Variants in TBC1D16 observed in about 807,000 individuals in gnomAD.
The protein encoded by TBC1D16 is CTD-2529O21.1.
A neutral mutation model predicts 74.7 loss-of-function variants in TBC1D16; 58 were observed. The observed-to-expected ratio is 0.78, with a 90% CI of 0.63 to 0.97. The LOEUF is 0.97. TBC1D16 is among the 50% of genes least tolerant of loss of function. The pLI, the probability that TBC1D16 is intolerant of heterozygous loss-of-function variation, is 0.00. For synonymous variants in TBC1D16, 493 were observed against 474.7 expected, an observed-to-expected ratio of 1.04 and a Z score of -0.50; for missense variants, 1,014 against 1,079.5, an observed-to-expected ratio of 0.94 and a Z score of 0.85.
intron 3 of TBC1D16, among the ~76,000 whole-genome samples, chr17:79,999,113 G>T (rs182480036): frequency 6.6e-6 from 1 of 152,008 alleles, no homozygotes; most frequent in Admixed American, 6.6e-5. Context: ...AAAATTAGCC[G>T]TGTGTGGTGG....
intron 2 of TBC1D16, among the ~76,000 whole-genome samples, chr17:80,012,590 T>A (rs75287111): frequency 1.3e-4 from 20 of 151,594 alleles, no homozygotes; most frequent in Non-Finnish European, 1.9e-4. Flanking sequence ...TTTTTTTTTT[T>A]AATAGAGATG....
Position 79,950,016 on chromosome 17 carries a change from C to T in TBC1D16, c.1258-151G>A. On this transcript the variant is annotated intron_variant, in intron 6 of 11. Coordinates refer to ENST00000310924, the MANE Select transcript of TBC1D16 (RefSeq NM_019020.4). This position sits in a 1 kb window ranked among gnomAD's most constrained non-coding sequence, Gnocchi z 4.6. ...ATATTTACAAGGGGAAAGCAGTGGC[C>T]TTCAATTCCCATACAGGACACAAAC... is the stretch of plus-strand genomic sequence containing the variant. The T allele has an allele frequency of 9.7e-7, 1 of 1,029,244 alleles. No individual in the cohort carries two copies. The highest frequency in any genetic ancestry group is 1.4e-6 in the Non-Finnish European group (1 of 719,506). 63.8% of individuals were successfully genotyped at this position (1,029,244 alleles called of 1,614,324 possible).
At position 79,948,906 on chromosome 17, in the gene TBC1D16, G is replaced by A. The variant is rs149193846; in HGVS notation, c.1507C>T (p.Arg503Trp). Residue 503 changes from arginine (R) to tryptophan (W), a missense_variant, in exon 8 of 12, where the codon CGG (arginine) becomes TGG (tryptophan). By Grantham distance (101) the Arg-to-Trp change is moderately radical. Transcript: ENST00000310924. ...TCCACATTGGGATTGTCTTCCCCCCGGAAGAACTGGTTGTTCCGATCTGTC... is the reference window on the plus strand; with the variant it reads ...TCCACATTGGGATTGTCTTCCCCCCAGAAGAACTGGTTGTTCCGATCTGTC... The part of the protein sequence containing the change: ...VRTDRNNQFF[R>W]GEDNPNVESM... 6 of 1,614,114 alleles carry A rather than the reference G, an allele frequency of 3.7e-6. No homozygotes were observed. Among genetic ancestry groups the A allele is most frequent in the Non-Finnish European group, 5.1e-6 (6 of 1,180,004 alleles).
In TBC1D16 at chr17:79,975,746, C is replaced by T. The variant is rs1276876061; in HGVS notation, c.780-22928G>A. ...AAACCTGTCGCTGGCTGCCCACTAA[C>T]GCTCCCAGCAGCCCTTAGTACAATA... On this transcript the variant is annotated intron_variant, in intron 3 of 11. Transcript: ENST00000310924. The surrounding 1 kb of genome is among the most constrained non-coding windows in gnomAD (Gnocchi z 4.5). 2.6e-5 allele frequency among the ~76,000 whole-genome samples: 4 copies of T among 152,348 alleles called. No individual in the cohort carries two copies. The highest frequency in any genetic ancestry group is 2.1e-4 in the South Asian group (1 of 4,822).
At position 79,988,020 on chromosome 17, in the gene TBC1D16, A is replaced by C. The variant is rs1375219294; in HGVS notation, c.779+22140T>G. 1.3e-5 allele frequency among the ~76,000 whole-genome samples: 2 copies of C among 152,178 alleles called. No homozygotes were observed. Among genetic ancestry groups the C allele is most frequent in the Non-Finnish European group, 2.9e-5 (2 of 68,034 alleles). ...CAATTCTGAATGTGGTTTAAAAAAA[A>C]AATTAGGTGGGGGAGAATGAGACGA... On this transcript the variant is annotated intron_variant, in intron 3 of 11. Transcript: ENST00000310924. This position sits in a 1 kb window ranked among gnomAD's most constrained non-coding sequence, Gnocchi z 5.7.
In TBC1D16 at chr17:80,009,324, G is replaced by A. The variant is rs914499539; in HGVS notation, c.779+836C>T. Among the ~76,000 whole-genome samples the A allele has an allele frequency of 6.6e-6, 1 of 152,238 alleles. No homozygotes were observed. Among genetic ancestry groups the A allele is most frequent in the Non-Finnish European group, 1.5e-5 (1 of 68,034 alleles). ...GGCATAGGAAGGGGCTGTGGAAGTC[G>A]GATGCAGGCCCCCTGTGCTGGCTCT... On this transcript the variant is annotated intron_variant, in intron 3 of 11. Coordinates refer to ENST00000310924, the MANE Select transcript of TBC1D16 (RefSeq NM_019020.4). This position sits in a 1 kb window ranked among gnomAD's most constrained non-coding sequence, Gnocchi z 5.4.
intron 1 of TBC1D16, among the ~76,000 whole-genome samples, chr17:80,024,534 C>CACCA (rs1285327174): frequency 6.0e-5 from 9 of 149,236 alleles, no homozygotes; most frequent in East Asian, 2.0e-4. Flanking sequence ...CATGCACACA[C>CACCA]CACACACCAT....
intron 1 of TBC1D16, among the ~76,000 whole-genome samples, chr17:80,025,044 CACAACCAGGCACACACACTATG>C (rs2036508059): frequency 7.2e-4 from 17 of 23,618 alleles, no homozygotes; most frequent in South Asian, 9.3e-4. Context: ...CATACCATGA[CACAACCAGGCACACACACTATG>C]ACACACACAC....
chr17:79,950,748 G>A lies in TBC1D16; in HGVS notation c.1090-170C>T. The A allele has an allele frequency of 6.5e-7, 1 of 1,537,694 alleles. No individual in the cohort carries two copies. Among genetic ancestry groups the A allele is most frequent in the Non-Finnish European group, 8.7e-7 (1 of 1,146,692 alleles). On this transcript the variant is annotated intron_variant, in intron 5 of 11. Coordinates refer to ENST00000310924, the MANE Select transcript of TBC1D16 (RefSeq NM_019020.4). This position sits in a 1 kb window ranked among gnomAD's most constrained non-coding sequence, Gnocchi z 4.6. ...GAGTGTAATTAGGCGCAATTAAAAT[G>A]AAAATACCTTCATCTTAAAATCGGT... is the stretch of plus-strand genomic sequence containing the variant.
chr17:79,983,434 C>G lies in TBC1D16; in HGVS notation c.779+26726G>C, dbSNP rs780352943. Reference sequence around the variant, plus strand: ...GGTGACATCATTCACAGAGAAAAACCCAAACTAAACCACATGGTCATCAAC... The same window carrying G: ...GGTGACATCATTCACAGAGAAAAACGCAAACTAAACCACATGGTCATCAAC... On this transcript the variant is annotated intron_variant, in intron 3 of 11. Coordinates refer to ENST00000310924, the MANE Select transcript of TBC1D16 (RefSeq NM_019020.4). This position sits in a 1 kb window ranked among gnomAD's most constrained non-coding sequence, Gnocchi z 5.6. Among the ~76,000 whole-genome samples the G allele has an allele frequency of 1.4e-4, 22 of 152,154 alleles. No individual in the cohort carries two copies. The highest frequency in any genetic ancestry group is 2.1e-4 in the Non-Finnish European group (14 of 68,024).
rs2144154129 is a variant in TBC1D16 at position 79,974,300 on chromosome 17, G to A, written c.780-21482C>T. On this transcript the variant is annotated intron_variant, in intron 3 of 11. Coordinates refer to ENST00000310924, the MANE Select transcript of TBC1D16 (RefSeq NM_019020.4). ...GTTGCCCAGGCTGGAGTGCAGTGGTGCAATCTCGGTTCACTGCAACTTCCG... is the reference window on the plus strand; with the variant it reads ...GTTGCCCAGGCTGGAGTGCAGTGGTACAATCTCGGTTCACTGCAACTTCCG... Among the ~76,000 whole-genome samples the A allele has an allele frequency of 2.6e-5, 4 of 152,138 alleles. No homozygotes were observed. In the South Asian group the frequency reaches 8.3e-4, roughly 32 times the overall value.
At chr17:79,951,717 C>G (rs1050203047) in intron 4 of TBC1D16, 120 bp from the exon 5 acceptor site, 2 of 1,221,718 alleles carry the variant, frequency 1.6e-6, no homozygotes, top group African/African-American at 3.0e-5. Flanking sequence ...ACAGTGAGTC[C>G]CAGTGGAGTT....
chr17:79,955,866 A>G (rs535674882), intron 3 of TBC1D16, among the ~76,000 whole-genome samples: 2 of 152,320 alleles, frequency 1.3e-5, no homozygotes, highest in South Asian at 4.1e-4. Flanking sequence ...ACAGAGATAG[A>G]GATTTAAAAG....
At position 79,987,080 on chromosome 17, in the gene TBC1D16, G is replaced by A. The variant is rs1444749631; in HGVS notation, c.779+23080C>T. The stretch of plus-strand genomic sequence containing the variant: ...TCAGGGCCAGGATGGGTCACGGGCT[G>A]TGCCCAGTGTCGCTGCCCAAGGCAG... On this transcript the variant is annotated intron_variant, in intron 3 of 11. Transcript: ENST00000310924. The surrounding 1 kb of genome is among the most constrained non-coding windows in gnomAD (Gnocchi z 5.2). Among the ~76,000 whole-genome samples the A allele has an allele frequency of 1.3e-5, 2 of 152,198 alleles. No homozygotes were observed. The highest frequency in any genetic ancestry group is 4.8e-5 in the African/African-American group (2 of 41,462).
intron 3 of TBC1D16, among the ~76,000 whole-genome samples, chr17:79,998,662 C>T (rs529373461): frequency 2.6e-5 from 4 of 151,976 alleles, no homozygotes; most frequent in South Asian, 2.1e-4. Context: ...GCTTCTTCCA[C>T]GTAGCAATGT....
At position 79,940,719 on chromosome 17, in the gene TBC1D16, G is replaced by A. The variant is rs2031894009; in HGVS notation, c.*140C>T. 4 of 1,010,054 alleles carry A rather than the reference G, an allele frequency of 4.0e-6. No homozygotes were observed. The Admixed American group carries it at 1.4e-4, about 34-fold the overall frequency. The allele number at this position is 1,010,054 out of a possible 1,614,324, so 62.6% of individuals were successfully genotyped here. Reference sequence around the variant, plus strand: ...TCTAATTTTGTCATTAATATGAAAAGGTTCCTCTCATGTTGCCCAAAAGCA... The same window carrying A: ...TCTAATTTTGTCATTAATATGAAAAAGTTCCTCTCATGTTGCCCAAAAGCA... On this transcript the variant is annotated 3_prime_UTR_variant, in exon 12 of 12. Coordinates refer to ENST00000310924, the MANE Select transcript of TBC1D16 (RefSeq NM_019020.4). This position sits in a 1 kb window ranked among gnomAD's most constrained non-coding sequence, Gnocchi z 5.4.
At chr17:80,034,482 G>A (rs905686350) in intron 1 of TBC1D16, among the ~76,000 whole-genome samples, 2 of 152,114 alleles carry the variant, frequency 1.3e-5, no homozygotes, top group African/African-American at 4.8e-5. Context: ...GATTACAGCC[G>A]TGAGCCACGG....
At chr17:79,953,350 G>A (rs2033174717) in intron 3 of TBC1D16, among the ~76,000 whole-genome samples, 1 of 152,188 alleles carries the variant, frequency 6.6e-6, no homozygotes, top group South Asian at 2.1e-4. Context: ...GAAACATTTG[G>A]GTTCTCAGTA....
At position 79,971,645 on chromosome 17, in the gene TBC1D16, G is replaced by C. The variant is rs2144105715; in HGVS notation, c.780-18827C>G. Among the ~76,000 whole-genome samples, 1 of 152,322 alleles carries C rather than the reference G, an allele frequency of 6.6e-6. No homozygotes were observed. Among genetic ancestry groups the C allele is most frequent in the Admixed American group, 6.5e-5 (1 of 15,300 alleles). ...GTATTCTTCAACTTGACTCATAAAA[G>C]TAGAGTCAATCACTCTTCTCTACAA... On this transcript the variant is annotated intron_variant, in intron 3 of 11. Coordinates refer to ENST00000310924, the MANE Select transcript of TBC1D16 (RefSeq NM_019020.4). The surrounding 1 kb of genome is among the most constrained non-coding windows in gnomAD (Gnocchi z 4.6).
Sources: gnomAD v4.1 joint callset for allele counts (sites outside exome capture counted in the v4.1 genomes callset) on GRCh38, gnomAD v4.1.1 for gene constraint, Gnocchi (gnomAD v3.1) non-coding constraint, MANE v1.5 for transcripts, NCBI Gene and HGNC (gene_info 2026-07-23, HGNC 2026-07-21) for gene names.